Variants in RBMS3 observed in about 807,000 individuals in gnomAD.
RBMS3 encodes the protein RNA binding motif single stranded interacting protein 3.
A neutral mutation model predicts 66.8 loss-of-function variants in RBMS3; 27 were observed. The ratio of observed to expected loss-of-function variants is 0.40; its 90% CI spans 0.30 to 0.56. The LOEUF (loss-of-function observed/expected upper bound fraction) is 0.56, where lower values mean the gene tolerates loss of function less well. Among genes scored for constraint, RBMS3 ranks in the 20% least tolerant of loss-of-function variants. RBMS3 has a pLI of 0.40. For missense variants in RBMS3, 513 were observed against 549.5 expected (o/e 0.93, Z 0.66); for synonymous variants, 188 against 183.0 (o/e 1.03, Z -0.22).
In RBMS3 at chr3:29,326,755, A is replaced by G. The variant is rs1218580912; in HGVS notation, c.75+44999A>G. ...ATCCTTTTTTTTTTTTTTTCGAGAC[A>G]GAGTCTCGCTGTGTCGCCAGGCTGG... On this transcript the variant is annotated intron_variant, in intron 1 of 14. Coordinates refer to ENST00000383767, the MANE Select transcript of RBMS3 (RefSeq NM_001003793.3). Among the ~76,000 whole-genome samples, 7 of 148,662 alleles carry G rather than the reference A, an allele frequency of 4.7e-5. No individual in the cohort carries two copies. In the South Asian group the frequency reaches 1.5e-3, roughly 32 times the overall value.
intron 4 of RBMS3, among the ~76,000 whole-genome samples, chr3:29,730,535 T>C (rs549936282): frequency 1.2e-4 from 18 of 152,282 alleles, no homozygotes; most frequent in African/African-American, 4.1e-4. Context: ...TCAGAAGTAA[T>C]TAGTAGTGTA....
At position 29,561,432 on chromosome 3, in the gene RBMS3, TTTGTTGTTGTTGTTG is replaced by T. The variant is rs372349286; in HGVS notation, c.308-25660_308-25646del. Among the ~76,000 whole-genome samples, 19 of 149,052 alleles carry T rather than the reference TTTGTTGTTGTTGTTG, an allele frequency of 1.3e-4. No individual in the cohort carries two copies. In the East Asian group the frequency reaches 1.6e-3, roughly 13 times the overall value. On this transcript the variant is annotated intron_variant, in intron 3 of 14. Transcript: ENST00000383767. ...CACAACCTTGCCAGCATCTGTTGTT[TTTGTTGTTGTTGTTG>T]TTGTTGTTGTTGTTGTTGTTGCTGA...
At position 29,980,143 on chromosome 3, in the gene RBMS3, G is replaced by A. The variant is rs1345924815; in HGVS notation, c.1099-8000G>A. Among the ~76,000 whole-genome samples, 12 of 152,184 alleles carry A rather than the reference G, an allele frequency of 7.9e-5. No homozygotes were observed. In the East Asian group the frequency reaches 2.1e-3, roughly 27 times the overall value. ...ATCCCCAGTCTAACTGGTGTGAGAT[G>A]GTATGTCACTGTGGTTTTGATTTGC... On this transcript the variant is annotated intron_variant, in intron 12 of 14. Coordinates refer to ENST00000383767, the MANE Select transcript of RBMS3 (RefSeq NM_001003793.3).
chr3:29,557,478 G>T (rs888618081), intron 3 of RBMS3, among the ~76,000 whole-genome samples: 8 of 152,206 alleles, frequency 5.3e-5, no homozygotes, highest in African/African-American at 1.9e-4. Flanking sequence ...AAGACGCTTA[G>T]GTAGCAAGAT....
chr3:29,843,879 C>T (rs542171087), intron 6 of RBMS3, among the ~76,000 whole-genome samples: 3 of 151,506 alleles, frequency 2.0e-5, no homozygotes, highest in South Asian at 4.2e-4. Context: ...AACCGGGAAG[C>T]GGGCAGAGGT....
chr3:29,745,653 T>G (rs17616084), intron 5 of RBMS3, among the ~76,000 whole-genome samples: 3,441 of 152,218 alleles, frequency 0.023, 52 homozygotes, highest in Non-Finnish European at 0.032. Flanking sequence ...TCTGGGAACA[T>G]AGAACCTCTT....
At chr3:29,671,968 C>T (rs2051022117) in intron 4 of RBMS3, among the ~76,000 whole-genome samples, 1 of 152,024 alleles carries the variant, frequency 6.6e-6, no homozygotes, top group Non-Finnish European at 1.5e-5. Context: ...CAGAGCAACC[C>T]CTAGACACAT....
intron 1 of RBMS3, among the ~76,000 whole-genome samples, chr3:29,356,372 A>T (rs2037222580): frequency 6.6e-6 from 1 of 152,142 alleles, no homozygotes; most frequent in Admixed American, 6.6e-5. Context: ...AAATTCTGTT[A>T]CCCAGCTGTC....
At chr3:29,408,271 C>CAAA (rs10708935) in intron 1 of RBMS3, among the ~76,000 whole-genome samples, 1,594 of 74,794 alleles carry the variant, frequency 0.021, 57 homozygotes, top group African/African-American at 0.074. Context: ...GACTCCATCT[C>CAAA]AAAAAAAAAA....
Position 29,739,748 on chromosome 3 carries a change from A to G in RBMS3, c.428A>G (p.Tyr143Cys). 1 of 1,611,432 alleles carries G rather than the reference A, an allele frequency of 6.2e-7. No individual in the cohort carries two copies. The highest frequency in any genetic ancestry group is 8.5e-7 in the Non-Finnish European group (1 of 1,178,988). The change falls in exon 5 of 15, where the codon TAC (tyrosine) becomes TGC (cysteine). Residue 143 changes from tyrosine to cysteine, a missense_variant. Coordinates refer to ENST00000383767, the MANE Select transcript of RBMS3 (RefSeq NM_001003793.3). ...KQQEQDPTNL[Y>C]ISNLPISMDE... Reference sequence around the variant, plus strand: ...CAAGAGCAAGACCCAACAAACCTATACATCTCAAATCTCCCCATTTCTATG... The same window carrying G: ...CAAGAGCAAGACCCAACAAACCTATGCATCTCAAATCTCCCCATTTCTATG...
chr3:30,003,843 A>G lies in RBMS3; in HGVS notation c.1308-13A>G, dbSNP rs1359874951. 8 of 1,426,458 alleles carry G rather than the reference A, an allele frequency of 5.6e-6. No homozygotes were observed. The highest frequency in any genetic ancestry group is 7.4e-6 in the Non-Finnish European group (8 of 1,080,892). The allele number at this position is 1,426,458 out of a possible 1,614,324, so 88.4% of individuals were successfully genotyped here. A position where few individuals can be genotyped will look rare whatever the true frequency, so the allele number is the denominator to read the frequency against. On this transcript the variant is annotated splice_polypyrimidine_tract_variant and intron_variant, in intron 14 of 14. Coordinates refer to ENST00000383767, the MANE Select transcript of RBMS3 (RefSeq NM_001003793.3). ...TTAATTTAATGACCACTCTTATTCA[A>G]TTGTTTTCACAGACCATAAACAGGA...
chr3:29,989,996 C>A (rs1698720527), intron 13 of RBMS3, among the ~76,000 whole-genome samples: 1 of 151,962 alleles, frequency 6.6e-6, no homozygotes, highest in South Asian at 2.1e-4. Context: ...TGGAAACAGT[C>A]TAATTATATT....
chr3:29,503,396 T>C (rs2044052948), intron 3 of RBMS3, among the ~76,000 whole-genome samples: 1 of 152,086 alleles, frequency 6.6e-6, no homozygotes, highest in Non-Finnish European at 1.5e-5. Flanking sequence ...CTGTGCTCAG[T>C]TTTTTTCAAC....
At chr3:29,447,379 T>A (rs929189840) in intron 2 of RBMS3, among the ~76,000 whole-genome samples, 6 of 152,182 alleles carry the variant, frequency 3.9e-5, no homozygotes, top group African/African-American at 1.4e-4. Flanking sequence ...TTGACTTGTT[T>A]CTCAGAAAAT....
At chr3:29,468,219 A>C (rs2042605043) in intron 2 of RBMS3, among the ~76,000 whole-genome samples, 1 of 152,162 alleles carries the variant, frequency 6.6e-6, no homozygotes, top group Admixed American at 6.5e-5. Flanking sequence ...ACATGCTGAA[A>C]TTGTTGATGT....
intron 4 of RBMS3, chr3:29,698,571 A>G (rs2052383946): frequency 1.3e-5 from 13 of 985,292 alleles, no homozygotes; most frequent in Non-Finnish European, 1.6e-5. Flanking sequence ...TCATAACAAA[A>G]TGAGCATGAA....
chr3:29,641,796 A>T (rs754372323), intron 4 of RBMS3, among the ~76,000 whole-genome samples: 1 of 152,066 alleles, frequency 6.6e-6, no homozygotes, highest in Non-Finnish European at 1.5e-5. Flanking sequence ...AGGGTGAGAG[A>T]TGTAAAGACC....
At chr3:29,419,879 C>T (rs2040630804) in intron 1 of RBMS3, among the ~76,000 whole-genome samples, 1 of 152,092 alleles carries the variant, frequency 6.6e-6, no homozygotes, top group African/African-American at 2.4e-5. Context: ...ACACCACTAC[C>T]AACATGATTT....
rs181114512 is a variant in RBMS3, at chr3:30,009,413, C to T, written c.*5551C>T. 3.3e-5 allele frequency: 5 copies of T among 152,108 alleles called. No homozygotes were observed. The highest frequency in any genetic ancestry group is 1.9e-4 in the East Asian group (1 of 5,182). The allele number at this position is 152,108 out of a possible 1,614,324, so 9.4% of individuals were successfully genotyped here. A position where few individuals can be genotyped will look rare whatever the true frequency, so the allele number is the denominator to read the frequency against. Reference sequence around the variant, plus strand: ...ATCATTGGTAAAATTAATATCAGTACATTATATGTCATAAATTTTGATTAT... The same window carrying T: ...ATCATTGGTAAAATTAATATCAGTATATTATATGTCATAAATTTTGATTAT... On this transcript the variant is annotated 3_prime_UTR_variant, in exon 15 of 15. Coordinates refer to ENST00000383767, the MANE Select transcript of RBMS3 (RefSeq NM_001003793.3).
Sources: gnomAD v4.1 joint callset for allele counts (sites outside exome capture counted in the v4.1 genomes callset) on GRCh38, gnomAD v4.1.1 for gene constraint, MANE v1.5 for transcripts, NCBI Gene and HGNC (gene_info 2026-07-23, HGNC 2026-07-21) for gene names.